The following ZBTB7C variants were observed in gnomAD, a reference collection of about 807,000 sequenced individuals.
ZBTB7C encodes the protein zinc finger and BTB domain containing 7C.
A neutral mutation model predicts 25.7 loss-of-function variants in ZBTB7C; 8 were observed. That is an observed-to-expected ratio of 0.31 (90% CI 0.18 to 0.56). The LOEUF is 0.56. ZBTB7C is among the 20% of genes least tolerant of loss of function. The pLI is 0.91. For missense variants in ZBTB7C, 824 were observed against 855.2 expected, an observed-to-expected ratio of 0.96 and a Z score of 0.46; for synonymous variants, 394 against 369.0, an observed-to-expected ratio of 1.07 and a Z score of -0.78.
At chr18:48,409,993 AGATGGGCTCTGCCGACCCGGGGCAGC>A (rs1185748808), upstream of ZBTB7C, among the ~76,000 whole-genome samples, 10 of 116,570 alleles carry the variant, frequency 8.6e-5, no homozygotes, top group African/African-American at 5.5e-4. Context: ...GGTGCGGCAG[AGATGGGCTCTGCCGACCCGGGGCAGC>A]GGTGCGGCAG....
At chr18:48,062,992 A>G (rs2037180962) in intron 3 of ZBTB7C, among the ~76,000 whole-genome samples, 1 of 152,192 alleles carries the variant, frequency 6.6e-6, no homozygotes, top group South Asian at 2.1e-4. Flanking sequence ...CATCAGTGGG[A>G]TGGAGAAAGT....
At chr18:48,042,065 C>A (rs939878629) in intron 3 of ZBTB7C, among the ~76,000 whole-genome samples, 1 of 152,218 alleles carries the variant, frequency 6.6e-6, no homozygotes, top group Non-Finnish European at 1.5e-5. Flanking sequence ...TCAGGAAGCA[C>A]AGCTCACAGC....
intron 4 of ZBTB7C, among the ~76,000 whole-genome samples, chr18:48,039,403 C>G (rs4939701): frequency 6.6e-6 from 1 of 152,042 alleles, no homozygotes; most frequent in Non-Finnish European, 1.5e-5. Context: ...AAGTCAACCA[C>G]GTCTCCCCAT....
chr18:48,132,768 C>T (rs963114497), intron 3 of ZBTB7C, among the ~76,000 whole-genome samples: 2 of 152,174 alleles, frequency 1.3e-5, no homozygotes, highest in Admixed American at 6.5e-5. Flanking sequence ...CCAGTGGCTC[C>T]AGAAAGACCA....
chr18:48,246,178 C>T (rs988616006), intron 2 of ZBTB7C, among the ~76,000 whole-genome samples: 16 of 152,118 alleles, frequency 1.1e-4, no homozygotes, highest in South Asian at 4.2e-4. Flanking sequence ...TTAGGCCGGG[C>T]GCGGTGGCTC....
At chr18:48,389,768 G>T (rs531727727) in intron 1 of ZBTB7C, among the ~76,000 whole-genome samples, 2 of 152,342 alleles carry the variant, frequency 1.3e-5, no homozygotes, top group African/African-American at 4.8e-5. Context: ...AGAGGAAAGT[G>T]AGCAACCATG....
intron 2 of ZBTB7C, among the ~76,000 whole-genome samples, chr18:48,329,729 G>C (rs2046302654): frequency 6.6e-6 from 1 of 152,176 alleles, no homozygotes; most frequent in Non-Finnish European, 1.5e-5. Context: ...TCTCGCCTTA[G>C]GGTCAGTAAG....
At chr18:48,379,057 G>A (rs1322220271) in intron 1 of ZBTB7C, among the ~76,000 whole-genome samples, 1 of 152,258 alleles carries the variant, frequency 6.6e-6, no homozygotes, top group Middle Eastern at 3.4e-3. Flanking sequence ...ATAATCCTAT[G>A]GTAAGTTAAG....
intron 3 of ZBTB7C, among the ~76,000 whole-genome samples, chr18:48,116,016 C>T: frequency 6.6e-6 from 1 of 152,054 alleles, no homozygotes; most frequent in East Asian, 1.9e-4. Flanking sequence ...ATGTTATTAT[C>T]CTTCGCGCCT....
intron 3 of ZBTB7C, among the ~76,000 whole-genome samples, chr18:48,181,040 T>C (rs73431368): frequency 0.22 from 32,834 of 152,118 alleles, 4,292 homozygotes; most frequent in African/African-American, 0.34. Context: ...AAGTTTCCAA[T>C]GCATAGGATT....
At chr18:48,358,707 A>G (rs1598947903) in intron 1 of ZBTB7C, among the ~76,000 whole-genome samples, 1 of 152,284 alleles carries the variant, frequency 6.6e-6, no homozygotes, top group East Asian at 1.9e-4. Context: ...AGCTGAGAAC[A>G]CTGAGGGTTT....
At chr18:48,362,316 T>A (rs2047126003) in intron 1 of ZBTB7C, among the ~76,000 whole-genome samples, 2 of 152,196 alleles carry the variant, frequency 1.3e-5, no homozygotes, top group Non-Finnish European at 2.9e-5. Context: ...TTTGTGTCTG[T>A]CTCCCCAGAA....
rs369711480 is a variant in ZBTB7C, at chr18:48,337,464, G to C, written c.-79+710C>G. ...TGGCCCCTGTCCTTCTAGTCTCAAG[G>C]CCTTGCCTTCTAGGCCCTAGAGACT... On this transcript the variant is annotated intron_variant, in intron 2 of 4. Coordinates refer to ENST00000590800, the MANE Select transcript of ZBTB7C (RefSeq NM_001318841.2). 1.8e-4 allele frequency among the ~76,000 whole-genome samples: 27 copies of C among 152,308 alleles called. No individual in the cohort carries two copies. In the East Asian group the frequency reaches 3.7e-3, roughly 21 times the overall value.
intron 2 of ZBTB7C, among the ~76,000 whole-genome samples, chr18:48,304,402 G>A (rs1232803536): frequency 4.6e-5 from 7 of 152,164 alleles, no homozygotes; most frequent in Non-Finnish European, 8.8e-5. Flanking sequence ...TTGGCCAGGC[G>A]TGGTGGCTCA....
At chr18:48,088,122 G>A (rs150948913) in intron 3 of ZBTB7C, 1 of 152,138 alleles carries the variant, frequency 6.6e-6, no homozygotes, top group African/African-American at 2.4e-5. Context: ...GTGCTAAAGG[G>A]GGTCAGGAAG....
intron 3 of ZBTB7C, chr18:48,041,503 A>G: frequency 1.0e-6 from 1 of 985,424 alleles, no homozygotes; most frequent in Non-Finnish European, 1.2e-6. Context: ...CAGGAACAGG[A>G]CCCACCTCTG....
At chr18:48,372,803 T>C (rs1005628418) in intron 1 of ZBTB7C, among the ~76,000 whole-genome samples, 1 of 152,098 alleles carries the variant, frequency 6.6e-6, no homozygotes, top group Non-Finnish European at 1.5e-5. Flanking sequence ...GGAGGCACCA[T>C]GCCCCCTCCC....
intron 3 of ZBTB7C, among the ~76,000 whole-genome samples, chr18:48,060,062 T>A (rs562445994): frequency 2.0e-5 from 3 of 152,218 alleles, no homozygotes; most frequent in South Asian, 4.2e-4. Flanking sequence ...TCTACCATTT[T>A]TTTTCGGCCG....
chr18:48,213,420 C>T (rs1457417076), intron 2 of ZBTB7C, among the ~76,000 whole-genome samples: 1 of 151,960 alleles, frequency 6.6e-6, no homozygotes, highest in Non-Finnish European at 1.5e-5. Flanking sequence ...GAGTGTCCTG[C>T]ACTTGCATTG....
Sources: allele counts gnomAD v4.1 joint callset (sites outside exome capture counted in the v4.1 genomes callset), GRCh38; gene constraint gnomAD v4.1.1; transcripts MANE v1.5; gene names NCBI Gene and HGNC (gene_info 2026-07-23, HGNC 2026-07-21).